The following MYH8 variants were observed in gnomAD, a reference collection of about 807,000 sequenced individuals.
MYH8 encodes the protein myosin-8.
In MYH8, 168 loss-of-function variants were observed where a neutral mutation model predicts 233.2. The ratio of observed to expected loss-of-function variants is 0.72; its 90% CI spans 0.64 to 0.82. MYH8 has a LOEUF of 0.82. Ranked by LOEUF, MYH8 falls within the 40% of genes least tolerant of loss-of-function variation. The pLI is 0.00. For missense variants in MYH8, 1,995 were observed against 2,327.8 expected, an observed-to-expected ratio of 0.86 and a Z score of 2.94; for synonymous variants, 785 against 850.6, an observed-to-expected ratio of 0.92 and a Z score of 1.34.
chr17:10,412,479 T>C lies in MYH8; in HGVS notation c.1307A>G (p.Glu436Gly). 1 of 1,614,248 alleles carries C rather than the reference T, an allele frequency of 6.2e-7. No individual in the cohort carries two copies. Among genetic ancestry groups the C allele is most frequent in the Non-Finnish European group, 8.5e-7 (1 of 1,180,044 alleles). ...GGTGACCATCCACAGGAACATCTTC[T>C]CGTAGACGGCTTTGGCCAGAGCACC... is the stretch of plus-strand genomic sequence containing the variant. ...AVGALAKAVY[E>G]KMFLWMVTRI... The change falls in exon 14 of 40, where the codon GAG becomes GGG. Residue 436 changes from glutamate to glycine, a missense_variant. Glu to Gly is a moderately conservative substitution (Grantham distance 98, BLOSUM62 -2). This residue lies in a region of MYH8 where 479 missense variants were observed against 600.9 expected (regional missense o/e 0.80). Coordinates refer to ENST00000403437, the MANE Select transcript of MYH8 (RefSeq NM_002472.3).
At chr17:10,414,941 T>C (rs777118357) in intron 9 of MYH8, among the ~76,000 whole-genome samples, 175 bp downstream of exon 9, 5 of 152,152 alleles carry the variant, frequency 3.3e-5, no homozygotes, top group Non-Finnish European at 7.4e-5. Flanking sequence ...AAGTCTGAGA[T>C]TGAGATAAAG....
chr17:10,400,787 T>C lies in MYH8; in HGVS notation c.3346-8A>G, dbSNP rs770228589. On this transcript the variant is annotated splice_region_variant and splice_polypyrimidine_tract_variant and intron_variant, in intron 26 of 39. Coordinates refer to ENST00000403437, the MANE Select transcript of MYH8 (RefSeq NM_002472.3). The surrounding 1 kb of genome is among the most constrained non-coding windows in gnomAD (Gnocchi z 4.0). The stretch of plus-strand genomic sequence containing the variant: ...CAGCTCCTCAATGCGGGCCTGGGAA[T>C]GAAAGAAGCACATAAACATAAACTC... 8.1e-6 allele frequency: 13 copies of C among 1,613,924 alleles called. No homozygotes were observed. In the Admixed American group the frequency reaches 1.2e-4, roughly 14 times the overall value.
chr17:10,412,693 A>G lies in MYH8; in HGVS notation c.1183T>C (p.Ser395Pro). The change falls in exon 13 of 40, where the codon TCT (serine) becomes CCT (proline). Residue 395 changes from serine to proline, a missense_variant. By Grantham distance (74) the Ser-to-Pro change is moderately conservative. Transcript: ENST00000403437. Reference sequence around the variant, plus strand: ...CAGAGGGCTTTGAGTAGGTCTGCAGAGTTCAGACTCTGGAGATAGGCTGCC... The same window carrying G: ...CAGAGGGCTTTGAGTAGGTCTGCAGGGTTCAGACTCTGGAGATAGGCTGCC... ...DKAAYLQSLNSADLLKALCYP... is the reference protein window; with the variant it reads ...DKAAYLQSLNPADLLKALCYP... 6.2e-7 allele frequency: 1 copy of G among 1,614,246 alleles called. No individual in the cohort carries two copies.
At chr17:10,405,958 A>G in intron 21 of MYH8, 83 bp downstream of exon 21, 1 of 1,540,854 alleles carries the variant, frequency 6.5e-7, no homozygotes, top group Non-Finnish European at 8.9e-7. Flanking sequence ...ATTAGCCACC[A>G]AATGAAAGAA....
chr17:10,398,818 A>G lies in MYH8; in HGVS notation c.3931T>C (p.Ser1311Pro). ...VSQLSRSKQA[S>P]TQQIEELKHQ... ...TTCAGCTCTTCAATCTGCTGAGTAG[A>G]TGCTTGCTTGCTCCTTGAAAGCTGA... Residue 1311 changes from serine to proline, a missense_variant, in exon 29 of 40, where the codon TCT becomes CCT. Physicochemically the swap from Ser to Pro is moderately conservative, Grantham distance 74 (BLOSUM62 -1). Coordinates refer to ENST00000403437, the MANE Select transcript of MYH8 (RefSeq NM_002472.3). The G allele has an allele frequency of 6.2e-7, 1 of 1,613,972 alleles. No individual in the cohort carries two copies. Among genetic ancestry groups the G allele is most frequent in the Non-Finnish European group, 8.5e-7 (1 of 1,180,018 alleles).
Position 10,414,395 on chromosome 17 carries a change from C to T in MYH8, c.895G>A (p.Asp299Asn). 1 of 1,609,582 alleles carries T rather than the reference C, an allele frequency of 6.2e-7. No individual in the cohort carries two copies. The highest frequency in any genetic ancestry group is 1.1e-5 in the South Asian group (1 of 90,990). ...FYQITSNKKPDLIEMLLITTN... is the reference protein window; with the variant it reads ...FYQITSNKKPNLIEMLLITTN... ...TTAAGTTCTTTCTTACCAATTAGAT[C>T]TGGCTTCTTATTGGAAGTGATCTGA... The change falls in exon 10 of 40, where the codon GAT (aspartate) becomes AAT (asparagine). Residue 299 changes from aspartate (D) to asparagine (N), a missense_variant. Coordinates refer to ENST00000403437, the MANE Select transcript of MYH8 (RefSeq NM_002472.3).
intron 35 of MYH8, among the ~76,000 whole-genome samples, chr17:10,393,756 A>G (rs977218984): frequency 6.6e-6 from 1 of 152,174 alleles, no homozygotes; most frequent in Admixed American, 6.5e-5. Flanking sequence ...CAAAATGACT[A>G]GGGGGTGCTA....
Position 10,394,433 on chromosome 17 carries a change from T to A in MYH8, c.4982A>T (p.Asp1661Val). ...GILKETQLHL[D>V]DALRGQEDLK... ...GTCCTCCTGGCCCCGGAGAGCATCA[T>A]CCAGGTGGAGCTGGGTTTCCTAATA... Residue 1661 changes from aspartate (D) to valine (V), a missense_variant, in exon 35 of 40, where the codon GAT (aspartate) becomes GTT (valine). Around this residue, in one of 3 missense-constraint regions of MYH8, gnomAD observed 1,498 missense variants for 1,680.9 expected, o/e 0.89. Coordinates refer to ENST00000403437, the MANE Select transcript of MYH8 (RefSeq NM_002472.3). 6.2e-7 allele frequency: 1 copy of A among 1,614,172 alleles called. No individual in the cohort carries two copies. The highest frequency in any genetic ancestry group is 8.5e-7 in the Non-Finnish European group (1 of 1,180,042).
chr17:10,408,169 G>A (rs1374493671), intron 17 of MYH8, among the ~76,000 whole-genome samples: 1 of 151,984 alleles, frequency 6.6e-6, no homozygotes, highest in Non-Finnish European at 1.5e-5. Flanking sequence ...TTGAATTCCT[G>A]ACCTCGTGAT....
At chr17:10,416,761 T>A (rs747687863) in intron 5 of MYH8, among the ~76,000 whole-genome samples, 4 of 152,194 alleles carry the variant, frequency 2.6e-5, no homozygotes, top group Non-Finnish European at 5.9e-5. Context: ...ATCATACAGA[T>A]GCAATGGTTA....
In MYH8 at chr17:10,420,254, CT is replaced by C. The variant is rs771823998; in HGVS notation, c.-28del. The C allele has an allele frequency of 5.6e-6, 9 of 1,611,326 alleles. No individual in the cohort carries two copies. In the Admixed American group the frequency reaches 1.5e-4, roughly 27 times the overall value. ...GCTGCGATTTATTTAGCAAAGGATT[CT>C]GCCTAGGGAGGAGAGAAACGGGAGA... On this transcript the variant is annotated splice_region_variant and 5_prime_UTR_variant, in exon 3 of 40. Transcript: ENST00000403437.
rs377429869 is a variant in MYH8 at position 10,400,830 on chromosome 17, T to C, written c.3345+39A>G. The C allele has an allele frequency of 6.2e-7, 1 of 1,613,932 alleles. No individual in the cohort carries two copies. The highest frequency in any genetic ancestry group is 1.3e-5 in the African/African-American group (1 of 75,054). Reference sequence around the variant, plus strand: ...ATAAACTCATCTCAACTTCAGTGTTTTTTTGGTGTGCAGAAAAAATAGAGG... The same window carrying C: ...ATAAACTCATCTCAACTTCAGTGTTCTTTTGGTGTGCAGAAAAAATAGAGG... On this transcript the variant is annotated intron_variant, in intron 26 of 39. Coordinates refer to ENST00000403437, the MANE Select transcript of MYH8 (RefSeq NM_002472.3). This position sits in a 1 kb window ranked among gnomAD's most constrained non-coding sequence, Gnocchi z 4.0.
At position 10,394,409 on chromosome 17, in the gene MYH8, TCCTCCTGGCC is replaced by T; in HGVS notation, c.4996_5005del (p.Gly1666ThrfsTer65). On this transcript the variant is annotated frameshift_variant, in exon 35 of 40. Coordinates refer to ENST00000403437, the MANE Select transcript of MYH8 (RefSeq NM_002472.3). LOFTEE classifies it high-confidence loss of function. Reference sequence around the variant, plus strand: ...CACAATTGCCAGCTGTTCCTTGAGGTCCTCCTGGCCCCGGAGAGCATCATCCAGGTGGAGC... The same window carrying T: ...CACAATTGCCAGCTGTTCCTTGAGGTCCGGAGAGCATCATCCAGGTGGAGC... 1 of 1,614,110 alleles carries T rather than the reference TCCTCCTGGCC, an allele frequency of 6.2e-7. No individual in the cohort carries two copies. Among genetic ancestry groups the T allele is most frequent in the East Asian group, 2.2e-5 (1 of 44,880 alleles).
In MYH8 at chr17:10,411,081, A is replaced by C; in HGVS notation, c.1417-134T>G. The C allele has an allele frequency of 2.7e-6, 4 of 1,484,032 alleles. No individual in the cohort carries two copies. In the Admixed American group the frequency reaches 7.8e-5, roughly 29 times the overall value. The allele number at this position is 1,484,032 out of a possible 1,614,324, so 91.9% of individuals were successfully genotyped here. ...CAGTTAAAACTAACGTTGCTCCCTC[A>C]AAAAATGATCATTGGCCGGGCACGG... On this transcript the variant is annotated intron_variant, in intron 14 of 39. Coordinates refer to ENST00000403437, the MANE Select transcript of MYH8 (RefSeq NM_002472.3).
intron 22 of MYH8, among the ~76,000 whole-genome samples, chr17:10,403,155 A>G (rs1166011936): frequency 6.6e-6 from 1 of 152,226 alleles, no homozygotes; most frequent in Admixed American, 6.5e-5. Flanking sequence ...TTATGAACCT[A>G]GATTTACCAG....
In MYH8 at chr17:10,400,059, T is replaced by C. The variant is rs1430812599; in HGVS notation, c.3735+331A>G. 6.6e-6 allele frequency among the ~76,000 whole-genome samples: 1 copy of C among 152,040 alleles called. No homozygotes were observed. The highest frequency in any genetic ancestry group is 1.5e-5 in the Non-Finnish European group (1 of 67,998). On this transcript the variant is annotated intron_variant, in intron 27 of 39. Coordinates refer to ENST00000403437, the MANE Select transcript of MYH8 (RefSeq NM_002472.3). The surrounding 1 kb of genome is among the most constrained non-coding windows in gnomAD (Gnocchi z 4.0). ...TCTACTAAAAATACAAAAAATTAGC[T>C]AGGCGTGCTGGCGGGCGCCTGTAGT...
At chr17:10,397,425 A>G (rs1448252120) in intron 30 of MYH8, among the ~76,000 whole-genome samples, 3 of 152,202 alleles carry the variant, frequency 2.0e-5, no homozygotes, top group African/African-American at 7.2e-5. Context: ...CAAATGGCAT[A>G]TGATTTTCAA....
rs1597396499 is a variant in MYH8, at chr17:10,392,866, C to T, written c.5428G>A (p.Gly1810Ser). ...LDEAEQLALK[G>S]GKKQIQKLEA... Reference sequence around the variant, plus strand: ...AGTTTCTGGATCTGCTTCTTCCCACCCTTCAGCGCCAGCTGCTCGGCCTCA... The same window carrying T: ...AGTTTCTGGATCTGCTTCTTCCCACTCTTCAGCGCCAGCTGCTCGGCCTCA... The change falls in exon 37 of 40, where the codon GGT becomes AGT. Residue 1810 changes from glycine (G) to serine (S), a missense_variant. Coordinates refer to ENST00000403437, the MANE Select transcript of MYH8 (RefSeq NM_002472.3). The T allele has an allele frequency of 6.2e-7, 1 of 1,614,174 alleles. No homozygotes were observed.
At position 10,398,510 on chromosome 17, in the gene MYH8, A is replaced by G. The variant is rs2072100058; in HGVS notation, c.4112T>C (p.Val1371Ala). Residue 1371 changes from valine (V) to alanine (A), a missense_variant, in exon 30 of 40, where the codon GTT becomes GCT. Physicochemically the swap from Val to Ala is moderately conservative, Grantham distance 64. This residue lies in a region of MYH8 where 1,498 missense variants were observed against 1,680.9 expected (regional missense o/e 0.89). Transcript: ENST00000403437. ...QRALSKANSE[V>A]AQWRTKYETD... ...CTCGTATTTGGTTCTCCACTGGGCAACCTCACTGTTGGCCTTGGACAGCGC... is the reference window on the plus strand; with the variant it reads ...CTCGTATTTGGTTCTCCACTGGGCAGCCTCACTGTTGGCCTTGGACAGCGC... The G allele has an allele frequency of 1.2e-6, 2 of 1,614,034 alleles. No individual in the cohort carries two copies. Among genetic ancestry groups the G allele is most frequent in the Non-Finnish European group, 1.7e-6 (2 of 1,179,978 alleles).
Sources: allele counts gnomAD v4.1 joint callset (sites outside exome capture counted in the v4.1 genomes callset), GRCh38; gene constraint gnomAD v4.1.1; regional missense constraint gnomAD v4.1.1; non-coding constraint Gnocchi (gnomAD v3.1); transcripts MANE v1.5; gene names NCBI Gene and HGNC (gene_info 2026-07-23, HGNC 2026-07-21).